Variants in CPA6 observed in about 807,000 individuals in gnomAD.
The protein encoded by CPA6 is carboxypeptidase B.
A neutral mutation model predicts 63.3 loss-of-function variants in CPA6; 58 were observed. The ratio of observed to expected loss-of-function variants is 0.92; its 90% CI spans 0.74 to 1.14. The LOEUF is 1.14. Among genes scored for constraint, CPA6 ranks in the 50% most tolerant of loss-of-function variants. CPA6 has a pLI of 0.00. For synonymous variants in CPA6, 185 were observed against 179.0 expected (o/e 1.03, Z -0.27); for missense variants, 565 against 526.6 (o/e 1.07, Z -0.71).
intron 2 of CPA6, among the ~76,000 whole-genome samples, chr8:67,561,926 A>G (rs1813222774): frequency 6.6e-6 from 1 of 152,228 alleles, no homozygotes; most frequent in Non-Finnish European, 1.5e-5. Context: ...TTCTGCTTCT[A>G]TATAATGAAA....
chr8:67,483,865 A>G lies in CPA6; in HGVS notation c.748-7T>C. The G allele has an allele frequency of 6.2e-7, 1 of 1,610,636 alleles. No homozygotes were observed. Among genetic ancestry groups the G allele is most frequent in the Admixed American group, 1.7e-5 (1 of 59,994 alleles). On this transcript the variant is annotated splice_polypyrimidine_tract_variant and splice_region_variant and intron_variant, in intron 7 of 10. Coordinates refer to ENST00000297770, the MANE Select transcript of CPA6 (RefSeq NM_020361.5). ...TTTTTCTCCAAAATCGATCCTAGAC[A>G]TAATTAAGAAAACAGGTGCTGAGAA...
chr8:67,485,499 T>C (rs1043585236), intron 6 of CPA6, among the ~76,000 whole-genome samples: 1 of 152,202 alleles, frequency 6.6e-6, no homozygotes, highest in African/African-American at 2.4e-5. Context: ...GATATGTTAA[T>C]TTGTGATCTG....
At chr8:67,540,505 A>T (rs1812682098) in intron 2 of CPA6, among the ~76,000 whole-genome samples, 1 of 152,196 alleles carries the variant, frequency 6.6e-6, no homozygotes, top group Non-Finnish European at 1.5e-5. Context: ...CTGAGGAAGC[A>T]GTCTGTCCCT....
chr8:67,475,757 T>C (rs1587467358), intron 8 of CPA6, among the ~76,000 whole-genome samples: 1 of 136,944 alleles, frequency 7.3e-6, no homozygotes, highest in South Asian at 2.4e-4. Flanking sequence ...CTTTCTTTTT[T>C]TCTTTCTTTC....
chr8:67,570,997 G>A (rs966117513), intron 2 of CPA6, among the ~76,000 whole-genome samples: 1 of 152,232 alleles, frequency 6.6e-6, no homozygotes, highest in Non-Finnish European at 1.5e-5. Context: ...GAGAAGGGAT[G>A]AAAAAAGATA....
intron 8 of CPA6, among the ~76,000 whole-genome samples, chr8:67,455,846 C>T (rs1368738401): frequency 3.3e-5 from 5 of 151,982 alleles, no homozygotes; most frequent in African/African-American, 4.8e-5. Flanking sequence ...TCTTGAGTAG[C>T]TGGGACTATA....
At chr8:67,687,865 G>A (rs1587702802) in intron 1 of CPA6, among the ~76,000 whole-genome samples, 1 of 152,148 alleles carries the variant, frequency 6.6e-6, no homozygotes. Flanking sequence ...ACTAAAGCAC[G>A]ATTCAAATGC....
chr8:67,658,651 T>A (rs1031126591), intron 1 of CPA6, among the ~76,000 whole-genome samples: 1 of 152,200 alleles, frequency 6.6e-6, no homozygotes, highest in African/African-American at 2.4e-5. Flanking sequence ...TAACTGCTCA[T>A]CTCTTCCTGA....
chr8:67,651,651 T>C (rs996199413), intron 1 of CPA6, among the ~76,000 whole-genome samples: 1 of 152,140 alleles, frequency 6.6e-6, no homozygotes, highest in African/African-American at 2.4e-5. Flanking sequence ...ACATTTCCTA[T>C]TCAAGGAACA....
intron 1 of CPA6, among the ~76,000 whole-genome samples, chr8:67,627,182 C>G (rs373554546): frequency 6.6e-6 from 1 of 152,122 alleles, no homozygotes; most frequent in Admixed American, 6.6e-5. Flanking sequence ...GATGGAATGA[C>G]GGGTAACCAA....
At position 67,422,420 on chromosome 8, in the gene CPA6, C is replaced by G. The variant is rs1587406859; in HGVS notation, c.*84G>C. 1.6e-6 allele frequency: 2 copies of G among 1,228,302 alleles called. No homozygotes were observed. Among genetic ancestry groups the G allele is most frequent in the East Asian group, 4.7e-5 (2 of 42,922 alleles). 76.1% of individuals were successfully genotyped at this position (1,228,302 alleles called of 1,614,324 possible). A position where few individuals can be genotyped will look rare whatever the true frequency, so the allele number is the denominator to read the frequency against. The stretch of plus-strand genomic sequence containing the variant: ...GACATGTTCACTCTAAGCAGCTGCC[C>G]TTCTCTTTGAAAACAATTTCTATCC... On this transcript the variant is annotated 3_prime_UTR_variant, in exon 11 of 11. Transcript: ENST00000297770.
intron 1 of CPA6, among the ~76,000 whole-genome samples, chr8:67,715,610 G>A (rs967549815): frequency 3.3e-5 from 5 of 152,280 alleles, no homozygotes; most frequent in South Asian, 2.1e-4. Flanking sequence ...CCAAAACAGC[G>A]GAAAATGTCC....
rs1813254516 is a variant in CPA6, at chr8:67,563,125, A to G, written c.193-45078T>C. Among the ~76,000 whole-genome samples the G allele has an allele frequency of 2.6e-5, 4 of 152,280 alleles. No individual in the cohort carries two copies. In the South Asian group the frequency reaches 8.3e-4, roughly 32 times the overall value. ...GTCAAAAATTAGAATGAAGAGAAAA[A>G]AAAAAACACAACCAGGGCCAAATAG... On this transcript the variant is annotated intron_variant, in intron 2 of 10. Transcript: ENST00000297770.
chr8:67,511,760 T>C, intron 3 of CPA6, 105 bp from the exon 4 acceptor site: 3 of 683,946 alleles, frequency 4.4e-6, no homozygotes, highest in Non-Finnish European at 7.9e-6. Flanking sequence ...AAGACTGTGG[T>C]GATCAATATT....
At chr8:67,444,219 ACCTCGTGATCTGCCCGCCTCGG>A (rs1009556878) in intron 8 of CPA6, among the ~76,000 whole-genome samples, 9 of 151,790 alleles carry the variant, frequency 5.9e-5, no homozygotes, top group Non-Finnish European at 1.3e-4. Context: ...CGATCTCCCG[ACCTCGTGATCTGCCCGCCTCGG>A]CCTCCCAAAG....
chr8:67,657,672 A>C (rs1269969851), intron 1 of CPA6, among the ~76,000 whole-genome samples: 2 of 152,192 alleles, frequency 1.3e-5, no homozygotes, highest in African/African-American at 4.8e-5. Context: ...GAAGGTTCTA[A>C]ACTACTTTTT....
At chr8:67,707,564 AC>A (rs921565828) in intron 1 of CPA6, among the ~76,000 whole-genome samples, 40 of 152,184 alleles carry the variant, frequency 2.6e-4, no homozygotes, top group African/African-American at 9.7e-4. Context: ...AATTAGAGAA[AC>A]TGGTTATTTT....
At chr8:67,508,845 T>C (rs536614064) in intron 5 of CPA6, among the ~76,000 whole-genome samples, 86 of 152,246 alleles carry the variant, frequency 5.6e-4, no homozygotes, top group Admixed American at 1.0e-3. Flanking sequence ...AATACATAGC[T>C]TCTGCATTAG....
chr8:67,591,583 C>G (rs570691205), intron 2 of CPA6, among the ~76,000 whole-genome samples: 2 of 152,100 alleles, frequency 1.3e-5, no homozygotes, highest in African/African-American at 4.8e-5. Flanking sequence ...TTGTAGTTCT[C>G]CTTGAAGAGG....
Sources: gnomAD v4.1 joint callset for allele counts (sites outside exome capture counted in the v4.1 genomes callset) on GRCh38, gnomAD v4.1.1 for gene constraint, MANE v1.5 for transcripts, NCBI Gene and HGNC (gene_info 2026-07-23, HGNC 2026-07-21) for gene names.